E2F3: variants seen among roughly 807,000 people sequenced by gnomAD.
E2F3 encodes transcription factor E2F3.
E2F3 carries 11 observed loss-of-function variants against 44.4 expected under a neutral mutation model. That is an observed-to-expected ratio of 0.25 (90% CI 0.16 to 0.41). E2F3 has a LOEUF of 0.41. E2F3 is among the 10% of genes least tolerant of loss of function. The probability of loss-of-function intolerance (pLI) is 1.00; values close to 1 mark genes in which losing one functional copy is unlikely to be tolerated. For missense variants in E2F3, 487 were observed against 583.6 expected (o/e 0.83, Z 1.70); for synonymous variants, 249 against 253.0 (o/e 0.98, Z 0.15).
intron 1 of E2F3, among the ~76,000 whole-genome samples, chr6:20,457,122 A>T (rs1173435815): frequency 3.3e-5 from 5 of 151,888 alleles, no homozygotes; most frequent in Non-Finnish European, 1.5e-5. Context: ...GCCTAGGGAA[A>T]AAATGTTCCC....
intron 1 of E2F3, among the ~76,000 whole-genome samples, chr6:20,455,193 C>T (rs1269612212): frequency 6.6e-6 from 1 of 152,150 alleles, no homozygotes; most frequent in African/African-American, 2.4e-5. Context: ...GAAATCAACT[C>T]CTTTTTGGAT....
intron 1 of E2F3, among the ~76,000 whole-genome samples, chr6:20,428,056 T>C (rs1760272840): frequency 6.6e-6 from 1 of 152,184 alleles, no homozygotes; most frequent in Admixed American, 6.5e-5. Context: ...ATTTCTAAGT[T>C]AGAGGCGAGG....
rs184284259 is a variant in E2F3, at chr6:20,463,245, A to G, written c.394-16601A>G. Reference sequence around the variant, plus strand: ...GCCAAATCTCTTTAAAAGATAATCAATTTTAAAAATTAGTAAATTGTGGCC... The same window carrying G: ...GCCAAATCTCTTTAAAAGATAATCAGTTTTAAAAATTAGTAAATTGTGGCC... On this transcript the variant is annotated intron_variant, in intron 1 of 6. Coordinates refer to ENST00000346618, the MANE Select transcript of E2F3 (RefSeq NM_001949.5). Among the ~76,000 whole-genome samples the G allele has an allele frequency of 3.1e-4, 47 of 152,248 alleles. No homozygotes were observed. The East Asian group carries it at 4.4e-3, about 14-fold the overall frequency.
chr6:20,449,276 T>G (rs1340387844), intron 1 of E2F3, among the ~76,000 whole-genome samples: 1 of 152,222 alleles, frequency 6.6e-6, no homozygotes, highest in Non-Finnish European at 1.5e-5. Flanking sequence ...CTACTCTGCC[T>G]GCCTACTACG....
intron 1 of E2F3, among the ~76,000 whole-genome samples, chr6:20,419,321 T>C (rs1042326206): frequency 1.3e-5 from 2 of 152,326 alleles, no homozygotes; most frequent in Admixed American, 1.3e-4. Flanking sequence ...TTCTGTAGGC[T>C]GCATTTCTAA....
intron 1 of E2F3, among the ~76,000 whole-genome samples, chr6:20,426,928 G>C (rs1031267544): frequency 5.9e-5 from 9 of 152,138 alleles, no homozygotes; most frequent in African/African-American, 2.2e-4. Flanking sequence ...TCTAAATGTG[G>C]CTCCATGAAA....
chr6:20,404,787 AG>A (rs1759439012), intron 1 of E2F3, among the ~76,000 whole-genome samples: 4 of 152,142 alleles, frequency 2.6e-5, no homozygotes, highest in African/African-American at 9.7e-5. Context: ...GCTTAGACAT[AG>A]CAGTATCCGG....
In E2F3 at chr6:20,492,984, T is replaced by C. The variant is rs2127631272; in HGVS notation, c.*2554T>C. 1 of 214,742 alleles carries C rather than the reference T, an allele frequency of 4.7e-6. No homozygotes were observed. Among genetic ancestry groups the C allele is most frequent in the South Asian group, 1.9e-4 (1 of 5,352 alleles). 13.3% of individuals were successfully genotyped at this position (214,742 alleles called of 1,614,324 possible). ...TACAAGTGTGCAAATTATGACTGCGTGAGCCTTAGAAAATAAAATGTATAA... is the reference window on the plus strand; with the variant it reads ...TACAAGTGTGCAAATTATGACTGCGCGAGCCTTAGAAAATAAAATGTATAA... On this transcript the variant is annotated 3_prime_UTR_variant, in exon 7 of 7. Transcript: ENST00000346618.
At chr6:20,403,866 GC>G (rs1759398959) in intron 1 of E2F3, 1 of 1,314,764 alleles carries the variant, frequency 7.6e-7, no homozygotes. Context: ...GGCCGCCGAC[GC>G]CGCGGGGGCA....
chr6:20,410,761 G>T (rs1759645508), intron 1 of E2F3, among the ~76,000 whole-genome samples: 1 of 152,182 alleles, frequency 6.6e-6, no homozygotes, highest in East Asian at 1.9e-4. Context: ...TGGGATTACA[G>T]GTGTGCGCCA....
chr6:20,443,926 CAG>C (rs776832432), intron 1 of E2F3, among the ~76,000 whole-genome samples: 5 of 152,070 alleles, frequency 3.3e-5, no homozygotes, highest in Non-Finnish European at 5.9e-5. Flanking sequence ...TTTAAAATGA[CAG>C]AGGCTGGGCT....
Position 20,402,135 on chromosome 6 carries a change from A to G in E2F3, c.-98A>G. 1 of 1,441,350 alleles carries G rather than the reference A, an allele frequency of 6.9e-7. No homozygotes were observed. The highest frequency in any genetic ancestry group is 2.6e-5 in the East Asian group (1 of 38,514). 89.3% of individuals were successfully genotyped at this position (1,441,350 alleles called of 1,614,324 possible). A position where few individuals can be genotyped will look rare whatever the true frequency, so the allele number is the denominator to read the frequency against. ...CTCGGAAGCGCCGGGCGGGGAGGAG[A>G]GAAGGAGGAGAGACTTGGAAACTCC... On this transcript the variant is annotated 5_prime_UTR_variant, in exon 1 of 7. Transcript: ENST00000346618. This position sits in a 1 kb window ranked among gnomAD's most constrained non-coding sequence, Gnocchi z 5.6.
intron 1 of E2F3, chr6:20,403,588 C>A: frequency 2.2e-6 from 1 of 455,204 alleles, no homozygotes. Flanking sequence ...CGGGAGGGGG[C>A]GCTGGAGGGG....
chr6:20,444,998 A>G, intron 1 of E2F3: 2 of 831,340 alleles, frequency 2.4e-6, no homozygotes, highest in South Asian at 1.1e-4. Flanking sequence ...GATGCTCAAT[A>G]CATGTCTTTT....
At chr6:20,451,202 G>A (rs559276736) in intron 1 of E2F3, among the ~76,000 whole-genome samples, 1 of 152,018 alleles carries the variant, frequency 6.6e-6, no homozygotes, top group Non-Finnish European at 1.5e-5. Flanking sequence ...CATTGAATGT[G>A]TAAATTGCTT....
chr6:20,489,440 C>T (rs1473321923), intron 6 of E2F3, among the ~76,000 whole-genome samples: 3 of 151,142 alleles, frequency 2.0e-5, no homozygotes, highest in African/African-American at 7.3e-5. Flanking sequence ...CCACTACACT[C>T]CAGCGTAGAC....
chr6:20,419,529 T>TTTTATTTATTTA (rs142847666), intron 1 of E2F3, among the ~76,000 whole-genome samples: 1 of 150,306 alleles, frequency 6.7e-6, no homozygotes. Flanking sequence ...TAGTACCTCC[T>TTTTATTTATTTA]TTTATTTATT....
At chr6:20,487,643 C>T (rs1456703674) in intron 5 of E2F3, among the ~76,000 whole-genome samples, 1 of 152,196 alleles carries the variant, frequency 6.6e-6, no homozygotes, top group Admixed American at 6.5e-5. Flanking sequence ...CAATTCACCT[C>T]ACCCATTGTG....
intron 4 of E2F3, among the ~76,000 whole-genome samples, chr6:20,483,158 T>G (rs1299636593): frequency 3.3e-5 from 5 of 152,304 alleles, no homozygotes; most frequent in South Asian, 2.1e-4. Context: ...TATTATCTAT[T>G]TTGATACCAG....
Sources: gnomAD v4.1 joint callset for allele counts (sites outside exome capture counted in the v4.1 genomes callset) on GRCh38, gnomAD v4.1.1 for gene constraint, Gnocchi (gnomAD v3.1) non-coding constraint, MANE v1.5 for transcripts, NCBI Gene and HGNC (gene_info 2026-07-23, HGNC 2026-07-21) for gene names.